TNC: variants seen among roughly 807,000 people sequenced by gnomAD.
TNC encodes the protein tenascin.
Under a neutral mutation model 202.4 loss-of-function variants are expected in TNC, and 109 were observed. The observed-to-expected ratio is 0.54, with a 90% CI of 0.46 to 0.63. TNC has a LOEUF of 0.63. TNC is among the 30% of genes least tolerant of loss of function. The pLI, the probability that TNC is intolerant of heterozygous loss-of-function variation, is 0.00. For synonymous variants in TNC, 1,007 were observed against 1,089.7 expected (o/e 0.92, Z 1.50); for missense variants, 2,756 against 2,833.3 (o/e 0.97, Z 0.62).
At chr9:115,049,447 A>C (rs150176621) in intron 15 of TNC, among the ~76,000 whole-genome samples, 5 of 152,130 alleles carry the variant, frequency 3.3e-5, no homozygotes, top group East Asian at 1.9e-4. Context: ...ATCTAAAAAA[A>C]CCAGAGAGGT....
At position 115,090,544 on chromosome 9, in the gene TNC, C is replaced by T. The variant is rs371624388; in HGVS notation, c.457+18G>A. 3.0e-5 allele frequency: 47 copies of T among 1,544,632 alleles called. No individual in the cohort carries two copies. Among genetic ancestry groups the T allele is most frequent in the Non-Finnish European group, 3.2e-5 (37 of 1,142,648 alleles). On this transcript the variant is annotated intron_variant, in intron 2 of 27. Transcript: ENST00000350763. The stretch of plus-strand genomic sequence containing the variant: ...CATGTTTGCACAGTGTGGGACTGGG[C>T]GGGCCACCAGCTCATACCTGTGGCA...
rs918130736 is a variant in TNC at position 115,085,885 on chromosome 9, T to A, written c.1846A>T (p.Ser616Cys). The A allele has an allele frequency of 6.2e-7, 1 of 1,611,876 alleles. No individual in the cohort carries two copies. The highest frequency in any genetic ancestry group is 1.3e-5 in the African/African-American group (1 of 75,038). Reference sequence around the variant, plus strand: ...TCACCCTCTGAGCAGTCTTCTCCGCTGTAGCCCTCGTTGCAGATGCAGCGG... The same window carrying A: ...TCACCCTCTGAGCAGTCTTCTCCGCAGTAGCCCTCGTTGCAGATGCAGCGG... ...SGRCICNEGY[S>C]GEDCSEVSPP... The change falls in exon 3 of 28, where the codon AGC becomes TGC. Residue 616 changes from serine to cysteine, a missense_variant. Transcript: ENST00000350763.
chr9:115,073,408 A>C (rs1033844712), intron 10 of TNC, among the ~76,000 whole-genome samples, 195 bp downstream of exon 10: 2 of 152,206 alleles, frequency 1.3e-5, no homozygotes, highest in Non-Finnish European at 2.9e-5. Context: ...CAGTGGGGGA[A>C]ATTTGCTGTA....
intron 12 of TNC, 82 bp from the exon 13 acceptor site, chr9:115,063,271 G>T: frequency 6.7e-7 from 1 of 1,494,860 alleles, no homozygotes; most frequent in Non-Finnish European, 9.1e-7. Context: ...TTTTGGCTAA[G>T]GTTGGGATGA....
intron 1 of TNC, among the ~76,000 whole-genome samples, chr9:115,113,648 CCAAA>C (rs1023583386): frequency 2.0e-5 from 3 of 152,094 alleles, no homozygotes; most frequent in Admixed American, 6.5e-5. Context: ...GGTTAAAGGA[CCAAA>C]CAAAGCTATT....
At chr9:115,077,225 T>G (rs931452547) in intron 7 of TNC, among the ~76,000 whole-genome samples, 1 of 151,760 alleles carries the variant, frequency 6.6e-6, no homozygotes, top group Non-Finnish European at 1.5e-5. Context: ...TGGCTAATTT[T>G]TTTTGTATTT....
At chr9:115,066,924 A>C (rs1198024454) in intron 10 of TNC, among the ~76,000 whole-genome samples, 1 of 152,200 alleles carries the variant, frequency 6.6e-6, no homozygotes, top group Admixed American at 6.5e-5. Context: ...AATATTTACC[A>C]TCTGGCCCTT....
chr9:115,035,478 T>C, intron 21 of TNC, 144 bp from the exon 22 acceptor site: 1 of 830,138 alleles, frequency 1.2e-6, no homozygotes, highest in Admixed American at 3.2e-5. Context: ...TCTGTATAAA[T>C]AAGGTGGTTG....
intron 1 of TNC, among the ~76,000 whole-genome samples, chr9:115,096,483 T>C (rs1193680156): frequency 6.6e-6 from 1 of 152,188 alleles, no homozygotes. Context: ...GTTTAGAGGA[T>C]TGCTTGTTTT....
chr9:115,083,950 C>T (rs570453790), intron 4 of TNC, among the ~76,000 whole-genome samples: 2 of 152,296 alleles, frequency 1.3e-5, no homozygotes, highest in South Asian at 4.1e-4. Context: ...ACAACAAAGT[C>T]TGATACACAG....
intron 21 of TNC, chr9:115,035,706 T>C (rs996194769): frequency 1.9e-5 from 5 of 261,838 alleles, no homozygotes; most frequent in Admixed American, 4.8e-5. Context: ...CTATAGTTTG[T>C]AAAAAGCTCT....
Position 115,063,207 on chromosome 9 carries a change from G to A in TNC, c.3761-18C>T. Reference sequence around the variant, plus strand: ...AACCTCCTCTGCATAAGGACACAGAGTTGCTGAGTTACTTAAAAAGGCAAT... The same window carrying A: ...AACCTCCTCTGCATAAGGACACAGAATTGCTGAGTTACTTAAAAAGGCAAT... On this transcript the variant is annotated intron_variant, in intron 12 of 27. Transcript: ENST00000350763. 2 of 1,607,546 alleles carry A rather than the reference G, an allele frequency of 1.2e-6. No homozygotes were observed. The highest frequency in any genetic ancestry group is 2.2e-5 in the East Asian group (1 of 44,682).
rs746885287 is a variant in TNC at position 115,090,913 on chromosome 9, C to G, written c.106G>C (p.Gly36Arg). Residue 36 changes from glycine to arginine, a missense_variant, in exon 2 of 28, where the codon GGG (glycine) becomes CGG (arginine). Gly to Arg is a moderately radical substitution (Grantham distance 125). Around this residue, in one of 2 missense-constraint regions of TNC, gnomAD observed 2,559 missense variants for 2,546.0 expected, o/e 1.01. Transcript: ENST00000350763. The stretch of plus-strand genomic sequence containing the variant: ...TCTTCTGGCAGGGTGGCGTTCACCC[C>G]ACTCTGTCGCTTGTGCCGGATGACT... The part of the protein sequence containing the change: ...KKVIRHKRQS[G>R]VNATLPEENQ... 4 of 1,614,062 alleles carry G rather than the reference C, an allele frequency of 2.5e-6. No individual in the cohort carries two copies. The highest frequency in any genetic ancestry group is 1.7e-6 in the Non-Finnish European group (2 of 1,180,050).
chr9:115,076,681 A>T, intron 7 of TNC, 106 bp from the exon 8 acceptor site: 1 of 1,291,258 alleles, frequency 7.7e-7, no homozygotes, highest in Non-Finnish European at 1.1e-6. Flanking sequence ...CTGGAGAGAA[A>T]TTACAAAATT....
intron 13 of TNC, 61 bp from the exon 14 acceptor site, chr9:115,060,063 T>A: frequency 6.8e-7 from 1 of 1,479,616 alleles, no homozygotes; most frequent in Non-Finnish European, 9.1e-7. Context: ...AAACCAAACA[T>A]CCCACAGCCC....
In TNC at chr9:115,030,916, G is replaced by A. The variant is rs78966711; in HGVS notation, c.5921-511C>T. Among the ~76,000 whole-genome samples, 640 of 152,318 alleles carry A rather than the reference G, an allele frequency of 4.2e-3. 1 individual carries two copies. The highest frequency in any genetic ancestry group is 5.8e-3 in the Non-Finnish European group (395 of 68,024). On this transcript the variant is annotated intron_variant, in intron 23 of 27. Transcript: ENST00000350763. The stretch of plus-strand genomic sequence containing the variant: ...AGATACTTTGTGACAGGTGCAGGGG[G>A]AGGCTCCCTGGGCATGGAATATCTG...
In TNC at chr9:115,086,257, T is replaced by A. The variant is rs1170249269; in HGVS notation, c.1474A>T (p.Thr492Ser). Residue 492 changes from threonine to serine, a missense_variant, in exon 3 of 28, where the codon ACA (threonine) becomes TCA (serine). Physicochemically the swap from Thr to Ser is moderately conservative, Grantham distance 58. This residue lies in a region of TNC where 2,559 missense variants were observed against 2,546.0 expected (regional missense o/e 1.01). Transcript: ENST00000350763. The stretch of plus-strand genomic sequence containing the variant: ...TGGCGATCCCGGCAGTCTTCCCCTG[T>A]GTAGCCGTCATCACAAACACACATG... ...NGMCVCDDGY[T>S]GEDCRDRQCP... The A allele has an allele frequency of 6.2e-7, 1 of 1,614,222 alleles. No homozygotes were observed. Among genetic ancestry groups the A allele is most frequent in the Admixed American group, 1.7e-5 (1 of 60,030 alleles).
rs1487467274 is a variant in TNC, at chr9:115,035,334, T to C, written c.5657A>G (p.Asp1886Gly). 1 of 1,609,968 alleles carries C rather than the reference T, an allele frequency of 6.2e-7. No individual in the cohort carries two copies. The highest frequency in any genetic ancestry group is 1.3e-5 in the African/African-American group (1 of 74,532). ...AGTCAAGTCTCTTGGAGAATCGAGG[T>C]CTGGAGAAGACAGGATGATTAATAT... ...SSTITAKFTT[D>G]LDSPRDLTAT... is the part of the protein sequence containing the mutation. Residue 1886 changes from aspartate (D) to glycine (G), a missense_variant and splice_region_variant, in exon 22 of 28, where the codon GAC becomes GGC. By Grantham distance (94) the Asp-to-Gly change is moderately conservative. Coordinates refer to ENST00000350763, the MANE Select transcript of TNC (RefSeq NM_002160.4).
rs143668894 is a variant in TNC at position 115,078,010 on chromosome 9, G to A, written c.2607C>T (p.Tyr869=). 8.8e-5 allele frequency: 142 copies of A among 1,614,112 alleles called. No homozygotes were observed. The highest frequency in any genetic ancestry group is 2.1e-4 in the African/African-American group (16 of 74,942). The change falls in exon 7 of 28, where the codon TAC becomes TAT. Residue 869 remains tyrosine (Y), a synonymous_variant. Transcript: ENST00000350763. ...SIGNLKPDTE[Y]EVSLISRRGD... ...CTCTGCGGGAGATGAGGGACACCTCGTACTCAGTGTCAGGCTTCAGGTTCC... is the reference window on the plus strand; with the variant it reads ...CTCTGCGGGAGATGAGGGACACCTCATACTCAGTGTCAGGCTTCAGGTTCC...
Sources: gnomAD v4.1 joint callset for allele counts (sites outside exome capture counted in the v4.1 genomes callset) on GRCh38, gnomAD v4.1.1 for gene constraint, gnomAD v4.1.1 regional missense constraint, MANE v1.5 for transcripts, NCBI Gene and HGNC (gene_info 2026-07-23, HGNC 2026-07-21) for gene names.